DRC3: variants seen among roughly 807,000 people sequenced by gnomAD.
DRC3 encodes dynein regulatory complex subunit 3.
A neutral mutation model predicts 57.6 loss-of-function variants in DRC3; 45 were observed. That is an observed-to-expected ratio of 0.78 (90% CI 0.62 to 1.00). The LOEUF is 1.00. DRC3 is among the 50% of genes least tolerant of loss of function. DRC3 has a pLI of 0.00. For synonymous variants in DRC3, 257 were observed against 272.3 expected (o/e 0.94, Z 0.55); for missense variants, 655 against 675.2 (o/e 0.97, Z 0.33).
chr17:18,014,393 T>C (rs1486238282), intron 12 of DRC3, among the ~76,000 whole-genome samples: 3 of 152,250 alleles, frequency 2.0e-5, no homozygotes, highest in Admixed American at 2.0e-4. Context: ...GAGAGGGATC[T>C]GGAATATTCT....
chr17:17,997,628 C>T lies in DRC3; in HGVS notation c.993C>T (p.His331=), dbSNP rs919365164. The change falls in exon 9 of 14, where the codon CAC becomes CAT. Residue 331 remains histidine, a synonymous_variant. Transcript: ENST00000399187. ...KRKIAKFEEK[H]LSSLSAIREE... ...AGATTGCCAAATTCGAGGAGAAGCA[C>T]TTGTCGGTAGGCCCCGAGCCTCCTG... The T allele has an allele frequency of 5.6e-6, 9 of 1,603,664 alleles. No homozygotes were observed. The African/African-American group carries it at 1.2e-4, about 22-fold the overall frequency.
rs1332947618 is a variant in DRC3 at position 18,007,354 on chromosome 17, A to C, written c.1326+207A>C. The C allele has an allele frequency of 1.5e-5, 23 of 1,540,048 alleles. No homozygotes were observed. The East Asian group carries it at 4.9e-4, about 33-fold the overall frequency. The stretch of plus-strand genomic sequence containing the variant: ...GTGGGGCACCCAGTGGGGCCCAGTT[A>C]AAGAGGAGCTCATGATAATTAGATG... On this transcript the variant is annotated intron_variant, in intron 12 of 13. Coordinates refer to ENST00000399187, the MANE Select transcript of DRC3 (RefSeq NM_031294.4).
At chr17:18,006,835 G>A (rs1192268164) in intron 11 of DRC3, 189 bp from the exon 12 acceptor site, 4 of 812,548 alleles carry the variant, frequency 4.9e-6, no homozygotes, top group African/African-American at 3.5e-5. Context: ...CCGAGGGTCC[G>A]TCCGAGGTGT....
At position 18,008,814 on chromosome 17, in the gene DRC3, G is replaced by A. The variant is rs1428969158; in HGVS notation, c.1326+1667G>A. Reference sequence around the variant, plus strand: ...CCAGACAGACCATCTTGGGGTGGGTGGAGATCCCTCCCAGCACAGCTCCCA... The same window carrying A: ...CCAGACAGACCATCTTGGGGTGGGTAGAGATCCCTCCCAGCACAGCTCCCA... On this transcript the variant is annotated intron_variant, in intron 12 of 13. Transcript: ENST00000399187. The surrounding 1 kb of genome is among the most constrained non-coding windows in gnomAD (Gnocchi z 4.3). 6.6e-6 allele frequency among the ~76,000 whole-genome samples: 1 copy of A among 152,180 alleles called. No individual in the cohort carries two copies. The highest frequency in any genetic ancestry group is 2.4e-5 in the African/African-American group (1 of 41,442).
intron 4 of DRC3, among the ~76,000 whole-genome samples, chr17:17,985,151 C>G (rs1170974225): frequency 6.6e-6 from 1 of 152,182 alleles, no homozygotes; most frequent in Non-Finnish European, 1.5e-5. Flanking sequence ...ACCACTGAGC[C>G]CCATGACAGC....
chr17:18,010,920 G>C (rs2044143713), intron 12 of DRC3: 1 of 270,520 alleles, frequency 3.7e-6, no homozygotes, highest in Admixed American at 4.7e-5. Flanking sequence ...TTTTCCTGGG[G>C]GCCTCTCTCA....
At chr17:17,993,083 C>CT in intron 6 of DRC3, 172 bp downstream of exon 6, 1 of 684,832 alleles carries the variant, frequency 1.5e-6, no homozygotes, top group Non-Finnish European at 2.4e-6. Context: ...ATTCCAGCAG[C>CT]ACCCTTGTAA....
At chr17:18,006,722 T>G in intron 11 of DRC3, 1 of 390,596 alleles carries the variant, frequency 2.6e-6, no homozygotes. Context: ...GGGAGACAAG[T>G]TGTAGAGGCA....
rs1011722691 is a variant in DRC3, at chr17:17,990,833, A to G, written c.445-1932A>G. On this transcript the variant is annotated intron_variant, in intron 5 of 13. Coordinates refer to ENST00000399187, the MANE Select transcript of DRC3 (RefSeq NM_031294.4). The stretch of plus-strand genomic sequence containing the variant: ...ATGGCGAAACCCGTCTCTACTAAAA[A>G]TATAAAAATGAGCCGGGTGTGGTGG... Among the ~76,000 whole-genome samples, 3 of 152,170 alleles carry G rather than the reference A, an allele frequency of 2.0e-5. No homozygotes were observed. In the East Asian group the frequency reaches 5.8e-4, roughly 29 times the overall value.
intron 9 of DRC3, among the ~76,000 whole-genome samples, chr17:18,003,325 A>C (rs2043813642): frequency 6.6e-6 from 1 of 151,644 alleles, no homozygotes; most frequent in African/African-American, 2.4e-5. Context: ...TCTACTAAAA[A>C]TACAAAAAAA....
intron 3 of DRC3, among the ~76,000 whole-genome samples, chr17:17,982,185 G>A (rs1388112316): frequency 6.6e-6 from 1 of 150,782 alleles, no homozygotes; most frequent in Non-Finnish European, 1.5e-5. Flanking sequence ...TAGAGACAGG[G>A]TTTCACCATG....
chr17:17,995,016 C>T lies in DRC3; in HGVS notation c.729C>T (p.His243=). The change falls in exon 8 of 14, where the codon CAC becomes CAT. Residue 243 remains histidine, a synonymous_variant. Transcript: ENST00000399187. The part of the protein sequence containing the change: ...LEKHKTAFVE[H]LNGSFLFDSM... The stretch of plus-strand genomic sequence containing the variant: ...GCCTGCAGACTGCGTTTGTGGAACA[C>T]CTGAATGGCTCCTTCCTGTTTGACA... The T allele has an allele frequency of 1.9e-6, 3 of 1,613,902 alleles. No homozygotes were observed. The highest frequency in any genetic ancestry group is 2.5e-6 in the Non-Finnish European group (3 of 1,179,800).
intron 5 of DRC3, chr17:17,988,455 T>C: frequency 4.2e-6 from 1 of 238,924 alleles, no homozygotes; most frequent in South Asian, 5.5e-5. Flanking sequence ...CCCTTTGGAG[T>C]GACCAGCACA....
At position 17,997,606 on chromosome 17, in the gene DRC3, T is replaced by C. The variant is rs186533138; in HGVS notation, c.971T>C (p.Ile324Thr). ...QENQEQGKRKIAKFEEKHLSS... is the reference protein window; with the variant it reads ...QENQEQGKRKTAKFEEKHLSS... ...AACCAGGAGCAGGGCAAACGCAAGATTGCCAAATTCGAGGAGAAGCACTTG... is the reference window on the plus strand; with the variant it reads ...AACCAGGAGCAGGGCAAACGCAAGACTGCCAAATTCGAGGAGAAGCACTTG... The change falls in exon 9 of 14, where the codon ATT (isoleucine) becomes ACT (threonine). Residue 324 changes from isoleucine (I) to threonine (T), a missense_variant. By Grantham distance (89) the Ile-to-Thr change is moderately conservative. Transcript: ENST00000399187. The C allele has an allele frequency of 1.3e-3, 2,114 of 1,609,490 alleles. 3 individuals carry two copies. The highest frequency in any genetic ancestry group is 1.7e-3 in the Admixed American group (102 of 59,066).
chr17:18,000,836 A>G (rs1462322894), intron 9 of DRC3, among the ~76,000 whole-genome samples: 1 of 151,922 alleles, frequency 6.6e-6, no homozygotes, highest in Non-Finnish European at 1.5e-5. Context: ...AATTATTTGT[A>G]CTTATATTTT....
intron 12 of DRC3, chr17:18,010,833 C>A: frequency 5.5e-6 from 2 of 361,294 alleles, no homozygotes; most frequent in South Asian, 4.5e-5. Context: ...GCTGCCTGGT[C>A]AAGGACATGA....
intron 11 of DRC3, 94 bp downstream of exon 11, chr17:18,006,347 TGAG>T: frequency 2.2e-6 from 2 of 918,094 alleles, no homozygotes; most frequent in Non-Finnish European, 1.7e-6. Flanking sequence ...CCACAGGGTC[TGAG>T]GAGGTTTCCC....
intron 3 of DRC3, among the ~76,000 whole-genome samples, chr17:17,983,276 A>G (rs2042797626): frequency 6.6e-6 from 1 of 152,182 alleles, no homozygotes; most frequent in African/African-American, 2.4e-5. Context: ...ATTCCTTTGG[A>G]CATATATACA....
chr17:17,990,960 C>T (rs1471249296), intron 5 of DRC3, among the ~76,000 whole-genome samples: 2 of 152,260 alleles, frequency 1.3e-5, no homozygotes, highest in Admixed American at 6.5e-5. Flanking sequence ...CACTGCACTT[C>T]AGCCTGGGTG....
Sources: gnomAD v4.1 joint callset for allele counts (sites outside exome capture counted in the v4.1 genomes callset) on GRCh38, gnomAD v4.1.1 for gene constraint, Gnocchi (gnomAD v3.1) non-coding constraint, MANE v1.5 for transcripts, NCBI Gene and HGNC (gene_info 2026-07-23, HGNC 2026-07-21) for gene names.